FH: variants seen among roughly 807,000 people sequenced by gnomAD.
FH encodes the protein fumarate hydratase, mitochondrial.
FH carries 22 observed loss-of-function variants against 49.4 expected under a neutral mutation model. The observed-to-expected ratio is 0.45, with a 90% CI of 0.32 to 0.64. FH has a LOEUF of 0.64. FH is among the 30% of genes least tolerant of loss of function. The pLI is 0.05. For missense variants in FH, 526 were observed against 641.5 expected, an observed-to-expected ratio of 0.82 and a Z score of 1.95; for synonymous variants, 208 against 223.0, an observed-to-expected ratio of 0.93 and a Z score of 0.60.
intron 4 of FH, among the ~76,000 whole-genome samples, chr1:241,509,778 AACACAC>A (rs71174810): frequency 0.076 from 10,541 of 139,244 alleles, 390 homozygotes; most frequent in South Asian, 0.12. Context: ...ACAATCTCTA[AACACAC>A]ACACACACAC....
At chr1:241,499,511 C>T (rs565157184) in intron 9 of FH, among the ~76,000 whole-genome samples, 1 of 152,230 alleles carries the variant, frequency 6.6e-6, no homozygotes, top group South Asian at 2.1e-4. Flanking sequence ...AAACTGATAT[C>T]ATACTGGGCT....
chr1:241,500,687 G>C, intron 8 of FH, 97 bp from the exon 9 acceptor site: 1 of 1,512,468 alleles, frequency 6.6e-7, no homozygotes, highest in Non-Finnish European at 9.0e-7. Flanking sequence ...ATTATTTTCT[G>C]GTTGACAGTA....
In FH at chr1:241,513,556, T is replaced by C. The variant is rs1460497458; in HGVS notation, c.378+47A>G. 5 of 1,336,736 alleles carry C rather than the reference T, an allele frequency of 3.7e-6. No individual in the cohort carries two copies. In the African/African-American group the frequency reaches 7.2e-5, roughly 19 times the overall value. 82.8% of individuals were successfully genotyped at this position (1,336,736 alleles called of 1,614,324 possible). On this transcript the variant is annotated intron_variant, in intron 3 of 9. Coordinates refer to ENST00000366560, the MANE Select transcript of FH (RefSeq NM_000143.4). ...CCAGAGCATATCGTCATCCAGAGTATGGCATGGGTCTGAGGTTATTAAGCA... is the reference window on the plus strand; with the variant it reads ...CCAGAGCATATCGTCATCCAGAGTACGGCATGGGTCTGAGGTTATTAAGCA...
In FH at chr1:241,518,243, A is replaced by G. The variant is rs750932662; in HGVS notation, c.133-927T>C. ...GCAAAAAGTACCAGAACTAGAAAAA[A>G]CAAAAACTACCTCCATCTGATTTTA... On this transcript the variant is annotated intron_variant, in intron 1 of 9. Transcript: ENST00000366560. Among the ~76,000 whole-genome samples, 24 of 152,206 alleles carry G rather than the reference A, an allele frequency of 1.6e-4. 2 individuals carry two copies. Among genetic ancestry groups the G allele is most frequent in the Admixed American group, 1.4e-3 (22 of 15,288 alleles).
rs2147926857 is a variant in FH, at chr1:241,519,608, G to C, written c.115C>G (p.Pro39Ala). 1 of 1,547,728 alleles carries C rather than the reference G, an allele frequency of 6.5e-7. No homozygotes were observed. Among genetic ancestry groups the C allele is most frequent in the East Asian group, 2.4e-5 (1 of 40,892 alleles). The change falls in exon 1 of 10, where the codon CCG (proline) becomes GCG (alanine). Residue 39 changes from proline (P) to alanine (A), a missense_variant. Physicochemically the swap from Pro to Ala is conservative, Grantham distance 27. This residue lies in a region of FH where 143 missense variants were observed against 127.5 expected (regional missense o/e 1.12). Transcript: ENST00000366560. ...GGAAVPSFWPPNAARMASQNS... is the reference protein window; with the variant it reads ...GGAAVPSFWPANAARMASQNS... ...GCGCTCACCATTCGAGCCGCGTTCG[G>C]AGGCCAAAACGAGGGCACGGCCGCG...
chr1:241,511,107 T>C (rs547003740), intron 4 of FH, among the ~76,000 whole-genome samples: 3 of 152,208 alleles, frequency 2.0e-5, no homozygotes, highest in Non-Finnish European at 2.9e-5. Flanking sequence ...TGTGAAATCC[T>C]AACCCCTAGG....
In FH at chr1:241,500,504, A is replaced by G. The variant is rs945101483; in HGVS notation, c.1323T>C (p.Asn441=). Residue 441 remains asparagine (N), a synonymous_variant, in exon 9 of 10, where the codon AAT becomes AAC. Transcript: ENST00000366560. Reference sequence around the variant, plus strand: ...TCATCAGCTTGTTGATCCTTTCTGTATTGGCCTGGATTCCCACCACGCAGT... The same window carrying G: ...TCATCAGCTTGTTGATCCTTTCTGTGTTGGCCTGGATTCCCACCACGCAGT... ...TENCVVGIQA[N]TERINKLMNE... is the part of the protein sequence containing the mutation. 1 of 1,613,322 alleles carries G rather than the reference A, an allele frequency of 6.2e-7. No homozygotes were observed. Among genetic ancestry groups the G allele is most frequent in the Non-Finnish European group, 8.5e-7 (1 of 1,179,688 alleles).
At chr1:241,507,494 G>A (rs561315794) in intron 5 of FH, among the ~76,000 whole-genome samples, 6 of 151,798 alleles carry the variant, frequency 4.0e-5, no homozygotes, top group South Asian at 4.2e-4. Context: ...AACAATGCAC[G>A]AACTCAAAAG....
At position 241,497,666 on chromosome 1, in the gene FH, T is replaced by G; in HGVS notation, c.*162A>C. The G allele has an allele frequency of 1.6e-6, 1 of 620,106 alleles. No homozygotes were observed. Among genetic ancestry groups the G allele is most frequent in the East Asian group, 2.8e-5 (1 of 36,220 alleles). The allele number at this position is 620,106 out of a possible 1,614,324, so 38.4% of individuals were successfully genotyped here. A position where few individuals can be genotyped will look rare whatever the true frequency, so the allele number is the denominator to read the frequency against. On this transcript the variant is annotated 3_prime_UTR_variant, in exon 10 of 10. Coordinates refer to ENST00000366560, the MANE Select transcript of FH (RefSeq NM_000143.4). ...TATTTTATACTTGTTTAATCCATCT[T>G]AGACCTAGCACATCCTAGGGTTTTA...
At chr1:241,514,002 C>T (rs886425434) in intron 2 of FH, among the ~76,000 whole-genome samples, 10 of 152,036 alleles carry the variant, frequency 6.6e-5, no homozygotes, top group Non-Finnish European at 1.2e-4. Flanking sequence ...CATATTCACA[C>T]GAATACAATC....
In FH at chr1:241,511,960, T is replaced by C. The variant is rs1660094431; in HGVS notation, c.555+7A>G. The C allele has an allele frequency of 1.2e-6, 2 of 1,613,664 alleles. No individual in the cohort carries two copies. Among genetic ancestry groups the C allele is most frequent in the South Asian group, 2.2e-5 (2 of 91,084 alleles). On this transcript the variant is annotated splice_region_variant and intron_variant, in intron 4 of 9. Transcript: ENST00000366560. ...TAACCAAAAAACAGCAAAGCTCACA[T>C]ACTGACCTGGCTTTTATTAACATGA...
At chr1:241,506,558 T>C (rs765851192) in intron 5 of FH, among the ~76,000 whole-genome samples, 1 of 152,136 alleles carries the variant, frequency 6.6e-6, no homozygotes, top group African/African-American at 2.4e-5. Flanking sequence ...ACAACTTTGG[T>C]GTAAGAAAAA....
chr1:241,519,435 G>A, intron 1 of FH, 156 bp downstream of exon 1: 1 of 905,332 alleles, frequency 1.1e-6, no homozygotes, highest in Non-Finnish European at 1.6e-6. Flanking sequence ...CCCGAGGCCG[G>A]GAGGCCCGCC....
intron 3 of FH, among the ~76,000 whole-genome samples, chr1:241,512,564 C>T (rs1314613741): frequency 6.6e-6 from 1 of 152,158 alleles, no homozygotes; most frequent in Non-Finnish European, 1.5e-5. Flanking sequence ...GCAGTAATCA[C>T]CAAATGTAGA....
chr1:241,511,831 A>C, intron 4 of FH, 136 bp downstream of exon 4: 1 of 831,746 alleles, frequency 1.2e-6, no homozygotes, highest in Non-Finnish European at 2.0e-6. Context: ...TTCCTTCAAG[A>C]AATAAGAACC....
chr1:241,509,231 T>A (rs1401089573), intron 4 of FH, among the ~76,000 whole-genome samples: 1 of 151,944 alleles, frequency 6.6e-6, no homozygotes, highest in African/African-American at 2.4e-5. Flanking sequence ...AATTATTGAA[T>A]TATATATTCT....
rs1294375677 is a variant in FH, at chr1:241,504,811, C to CTACTGCAATCCTACATCATA, written c.905-567_905-566insTATGATGTAGGATTGCAGTA. ...ATGTACTGAAAGAAAAAACACAATC[C>CTACTGCAATCCTACATCATA]TACTGCAAACACACGTATATGATGC... On this transcript the variant is annotated intron_variant, in intron 6 of 9. Transcript: ENST00000366560. Among the ~76,000 whole-genome samples, 7 of 152,094 alleles carry CTACTGCAATCCTACATCATA rather than the reference C, an allele frequency of 4.6e-5. No homozygotes were observed. The East Asian group carries it at 1.4e-3, about 29-fold the overall frequency.
intron 9 of FH, among the ~76,000 whole-genome samples, chr1:241,499,205 TTGTA>T (rs781215076): frequency 1.3e-5 from 2 of 152,088 alleles, no homozygotes; most frequent in Non-Finnish European, 2.9e-5. Flanking sequence ...ATTCAGAGGG[TTGTA>T]AGGCTCACAC....
chr1:241,514,109 T>C (rs1660160826), intron 2 of FH, among the ~76,000 whole-genome samples: 1 of 152,188 alleles, frequency 6.6e-6, no homozygotes, highest in Non-Finnish European at 1.5e-5. Flanking sequence ...GCAAGAACCA[T>C]TATTTTCTCT....
Sources: allele counts gnomAD v4.1 joint callset (sites outside exome capture counted in the v4.1 genomes callset), GRCh38; gene constraint gnomAD v4.1.1; regional missense constraint gnomAD v4.1.1; transcripts MANE v1.5; gene names NCBI Gene and HGNC (gene_info 2026-07-23, HGNC 2026-07-21).